The following GALNTL6 variants were observed in gnomAD, a reference collection of about 807,000 sequenced individuals.
GALNTL6 encodes polypeptide N-acetylgalactosaminyltransferase like 6.
In GALNTL6, 46 loss-of-function variants were observed where a neutral mutation model predicts 73.7. The ratio of observed to expected loss-of-function variants is 0.62; its 90% CI spans 0.49 to 0.80. The LOEUF is 0.80. GALNTL6 is among the 30% of genes least tolerant of loss of function. GALNTL6 has a pLI of 0.00. For synonymous variants in GALNTL6, 259 were observed against 263.7 expected, an observed-to-expected ratio of 0.98 and a Z score of 0.17; for missense variants, 604 against 755.0, an observed-to-expected ratio of 0.80 and a Z score of 2.34.
chr4:172,446,269 A>G (rs1579078566), intron 5 of GALNTL6, among the ~76,000 whole-genome samples: 1 of 152,188 alleles, frequency 6.6e-6, no homozygotes, highest in Non-Finnish European at 1.5e-5. Flanking sequence ...AAGGTGGCAG[A>G]ATTAGAATTT....
intron 5 of GALNTL6, among the ~76,000 whole-genome samples, chr4:172,429,997 T>C (rs931910168): frequency 6.6e-6 from 1 of 152,104 alleles, no homozygotes; most frequent in Non-Finnish European, 1.5e-5. Context: ...TAAAAACTAA[T>C]AGATATGATA....
chr4:172,521,398 A>G (rs1288696125), intron 5 of GALNTL6, among the ~76,000 whole-genome samples: 2 of 152,196 alleles, frequency 1.3e-5, no homozygotes, highest in Non-Finnish European at 2.9e-5. Flanking sequence ...ACAATATGCC[A>G]TAATTTTTAG....
chr4:172,420,824 C>T (rs990898983), intron 5 of GALNTL6, among the ~76,000 whole-genome samples: 46 of 152,070 alleles, frequency 3.0e-4, no homozygotes, highest in East Asian at 3.9e-4. Context: ...TCATGGAATA[C>T]GATGCAGCCA....
At chr4:172,027,700 G>T (rs1173630352) in intron 2 of GALNTL6, among the ~76,000 whole-genome samples, 1 of 152,124 alleles carries the variant, frequency 6.6e-6, no homozygotes, top group Non-Finnish European at 1.5e-5. Context: ...GCCAAGATGG[G>T]CCAAAAGCTA....
intron 5 of GALNTL6, among the ~76,000 whole-genome samples, chr4:172,637,452 CAGACAG>C (rs1241795994): frequency 1.3e-5 from 2 of 152,126 alleles, no homozygotes; most frequent in African/African-American, 4.8e-5. Flanking sequence ...TTTGTGAAAT[CAGACAG>C]AATTGCTGTA....
intron 3 of GALNTL6, among the ~76,000 whole-genome samples, chr4:172,236,582 G>T (rs1408827295): frequency 1.4e-5 from 2 of 147,774 alleles, no homozygotes; most frequent in African/African-American, 5.0e-5. Flanking sequence ...AAGTATATTA[G>T]CATGATAGGC....
At chr4:172,996,771 C>T (rs1751809255) in intron 10 of GALNTL6, among the ~76,000 whole-genome samples, 1 of 152,182 alleles carries the variant, frequency 6.6e-6, no homozygotes, top group Non-Finnish European at 1.5e-5. Flanking sequence ...ACAAGACGAG[C>T]TACTTTCCAG....
intron 2 of GALNTL6, among the ~76,000 whole-genome samples, chr4:172,168,620 A>T (rs1333721190): frequency 1.3e-5 from 2 of 151,784 alleles, no homozygotes; most frequent in South Asian, 4.2e-4. Flanking sequence ...AACAATGGCG[A>T]TGCTGGTGAT....
intron 2 of GALNTL6, among the ~76,000 whole-genome samples, chr4:172,146,969 T>C (rs969589945): frequency 6.6e-6 from 1 of 152,212 alleles, no homozygotes; most frequent in East Asian, 1.9e-4. Flanking sequence ...AAATTAAGTA[T>C]GTATTTTTAG....
At chr4:171,924,213 CAA>C (rs1560843317) in intron 2 of GALNTL6, among the ~76,000 whole-genome samples, 4 of 141,106 alleles carry the variant, frequency 2.8e-5, no homozygotes, top group East Asian at 2.0e-4. Flanking sequence ...CACACACACA[CAA>C]ACACACACAC....
At chr4:172,925,058 G>A (rs1345566985) in intron 8 of GALNTL6, among the ~76,000 whole-genome samples, 1 of 151,894 alleles carries the variant, frequency 6.6e-6, no homozygotes, top group African/African-American at 2.4e-5. Context: ...ATTTTTAGTA[G>A]AGACGGGGTT....
intron 5 of GALNTL6, among the ~76,000 whole-genome samples, chr4:172,516,348 A>C (rs185462933): frequency 6.6e-6 from 1 of 152,170 alleles, no homozygotes; most frequent in South Asian, 2.1e-4. Flanking sequence ...TGACCCAAGA[A>C]ATTTCTACTG....
intron 2 of GALNTL6, among the ~76,000 whole-genome samples, chr4:172,043,974 A>C (rs2110845184): frequency 6.6e-6 from 1 of 152,156 alleles, no homozygotes; most frequent in East Asian, 1.9e-4. Flanking sequence ...GTCTACTTTA[A>C]ACCAGAATCA....
At chr4:173,024,225 G>A (rs1043983049) in intron 12 of GALNTL6, among the ~76,000 whole-genome samples, 1 of 152,212 alleles carries the variant, frequency 6.6e-6, no homozygotes, top group African/African-American at 2.4e-5. Context: ...TAAGGGATTT[G>A]TGAAAGGAAA....
At chr4:173,004,425 A>G (rs1232904563) in intron 10 of GALNTL6, among the ~76,000 whole-genome samples, 2 of 152,194 alleles carry the variant, frequency 1.3e-5, no homozygotes, top group Non-Finnish European at 2.9e-5. Flanking sequence ...TCAGGAGTTC[A>G]AGACCAGCCT....
At chr4:172,995,036 T>G (rs1282006337) in intron 10 of GALNTL6, among the ~76,000 whole-genome samples, 1 of 152,244 alleles carries the variant, frequency 6.6e-6, no homozygotes, top group African/African-American at 2.4e-5. Flanking sequence ...AAATTTGCTT[T>G]ATCTTCAAAG....
chr4:171,894,112 T>A (rs1281728714), intron 2 of GALNTL6, among the ~76,000 whole-genome samples: 2 of 152,210 alleles, frequency 1.3e-5, no homozygotes, highest in Non-Finnish European at 1.5e-5. Context: ...AATAATCGGA[T>A]GTAGTATTAA....
At chr4:172,419,819 CTT>C (rs1371157686) in intron 5 of GALNTL6, among the ~76,000 whole-genome samples, 2 of 152,108 alleles carry the variant, frequency 1.3e-5, no homozygotes, top group African/African-American at 4.8e-5. Flanking sequence ...GGACCTCTCT[CTT>C]GGTTCAATGT....
At chr4:172,658,342 C>T (rs2111171607) in intron 5 of GALNTL6, among the ~76,000 whole-genome samples, 1 of 149,324 alleles carries the variant, frequency 6.7e-6, no homozygotes, top group East Asian at 2.0e-4. Flanking sequence ...TGGCGGACGC[C>T]TGTATTCCCA....
Sources: allele counts gnomAD v4.1 joint callset (sites outside exome capture counted in the v4.1 genomes callset), GRCh38; gene constraint gnomAD v4.1.1; transcripts MANE v1.5; gene names NCBI Gene and HGNC (gene_info 2026-07-23, HGNC 2026-07-21).